The following MMP26 variants were observed in gnomAD, a reference collection of about 807,000 sequenced individuals.
MMP26 encodes the protein matrix metalloproteinase-26.
A neutral mutation model predicts 31.0 loss-of-function variants in MMP26; 33 were observed. The observed-to-expected ratio is 1.06, with a 90% CI of 0.81 to 1.42. The LOEUF (loss-of-function observed/expected upper bound fraction) is 1.42, where lower values mean the gene tolerates loss of function less well. Ranked by LOEUF, MMP26 falls within the 40% of genes most tolerant of loss-of-function variation. The pLI is 0.00. For missense variants in MMP26, 347 were observed against 316.1 expected (o/e 1.10, Z -0.74); for synonymous variants, 122 against 114.9 (o/e 1.06, Z -0.40).
intron 2 of MMP26, chr11:4,804,368 A>T (rs1849234486): frequency 6.2e-7 from 1 of 1,613,946 alleles, no homozygotes; most frequent in Non-Finnish European, 8.5e-7. Context: ...CTGTTCCCTG[A>T]AGCCAGCACC....
At chr11:4,841,108 A>G (rs1263471665) in intron 2 of MMP26, among the ~76,000 whole-genome samples, 1 of 152,236 alleles carries the variant, frequency 6.6e-6, no homozygotes, top group Non-Finnish European at 1.5e-5. Flanking sequence ...ATTTGAAAAT[A>G]CACAGCCAGA....
intron 2 of MMP26, among the ~76,000 whole-genome samples, chr11:4,790,244 G>A (rs1341402714): frequency 1.3e-5 from 2 of 151,782 alleles, no homozygotes; most frequent in Admixed American, 6.6e-5. Flanking sequence ...GGGAGGCTGA[G>A]GCAGGAGAAT....
At position 4,991,482 on chromosome 11, in the gene MMP26, C is replaced by G. The variant is rs1360658794; in HGVS notation, c.581C>G (p.Ser194Ter). 3.1e-6 allele frequency: 5 copies of G among 1,613,622 alleles called. No individual in the cohort carries two copies. The Admixed American group carries it at 6.7e-5, about 22-fold the overall frequency. The change falls in exon 6 of 8, where the codon TCA becomes TGA. Residue 194 changes from serine to a stop codon, truncating the protein, a stop_gained. Coordinates refer to ENST00000380390, the MANE Select transcript of MMP26 (RefSeq NM_021801.5). LOFTEE classifies it high-confidence loss of function. ...VVHFDKNEHW[S>*]ASDTGYNLFL... ...CATTTTGACAAGAATGAACACTGGT[C>G]AGCTTCAGACACTGGTAAATGCCTT...
In MMP26 at chr11:4,710,299, TCTCTCACATCAGTG is replaced by T. The variant is rs772818058; in HGVS notation, c.-217+5256_-217+5269del. On this transcript the variant is annotated intron_variant, in intron 1 of 7. Transcript: ENST00000380390. ...CAGAAAAAGGCTTTTGGTACCTGTG[TCTCTCACATCAGTG>T]CAGTTGCCATCTTCTACATCCCCAT... 47 of 456,832 alleles carry T rather than the reference TCTCTCACATCAGTG, an allele frequency of 1.0e-4. No individual in the cohort carries two copies. The Middle Eastern group carries it at 2.9e-3, about 28-fold the overall frequency. 28.3% of individuals were successfully genotyped at this position (456,832 alleles called of 1,614,324 possible).
intron 2 of MMP26, among the ~76,000 whole-genome samples, chr11:4,872,163 A>G (rs931707759): frequency 6.6e-6 from 1 of 152,168 alleles, no homozygotes; most frequent in Non-Finnish European, 1.5e-5. Flanking sequence ...AGCCTGGAAC[A>G]TGAACAAGCA....
chr11:4,735,311 T>C (rs1329359016), intron 1 of MMP26, among the ~76,000 whole-genome samples: 1 of 151,404 alleles, frequency 6.6e-6, no homozygotes, highest in Admixed American at 6.5e-5. Context: ...TCTATATCAC[T>C]ATATATATGT....
chr11:4,828,547 A>C (rs573543219), intron 2 of MMP26, among the ~76,000 whole-genome samples: 1 of 152,290 alleles, frequency 6.6e-6, no homozygotes, highest in African/African-American at 2.4e-5. Flanking sequence ...ATTTACTTGT[A>C]CTATCTATTT....
intron 2 of MMP26, among the ~76,000 whole-genome samples, chr11:4,886,472 C>A (rs1003649812): frequency 1.3e-5 from 2 of 152,004 alleles, no homozygotes; most frequent in Non-Finnish European, 1.5e-5. Context: ...ATGCCTAGTA[C>A]CTGGTCAGCA....
At chr11:4,869,194 A>T (rs1183833285) in intron 2 of MMP26, among the ~76,000 whole-genome samples, 1 of 152,220 alleles carries the variant, frequency 6.6e-6, no homozygotes, top group East Asian at 1.9e-4. Flanking sequence ...AAGCAATGGC[A>T]ACAAAAGCCA....
chr11:4,801,793 G>T (rs1272121323), intron 2 of MMP26, among the ~76,000 whole-genome samples: 1 of 151,898 alleles, frequency 6.6e-6, no homozygotes, highest in Non-Finnish European at 1.5e-5. Context: ...GCCTGCCTCG[G>T]CTCCCGAAGT....
At chr11:4,762,677 A>T (rs935005031) in intron 1 of MMP26, among the ~76,000 whole-genome samples, 2 of 152,184 alleles carry the variant, frequency 1.3e-5, no homozygotes, top group Non-Finnish European at 2.9e-5. Context: ...TGTTCAGTAG[A>T]ACTTATATAA....
intron 2 of MMP26, among the ~76,000 whole-genome samples, chr11:4,866,117 C>T (rs895289136): frequency 3.9e-5 from 6 of 151,996 alleles, no homozygotes; most frequent in African/African-American, 1.4e-4. Flanking sequence ...GATGTGTATA[C>T]TCATGGGCGA....
chr11:4,785,224 C>T (rs1326772706), intron 2 of MMP26, among the ~76,000 whole-genome samples: 1 of 152,144 alleles, frequency 6.6e-6, no homozygotes, highest in Non-Finnish European at 1.5e-5. Context: ...AAAGAGCAGA[C>T]AGTTGATCAC....
At chr11:4,875,435 G>C (rs1850366697) in intron 2 of MMP26, 1 of 151,988 alleles carries the variant, frequency 6.6e-6, no homozygotes, top group African/African-American at 2.4e-5. Flanking sequence ...AGTCCAAATT[G>C]GGTCTCACTG....
At chr11:4,830,675 A>G (rs990766210) in intron 2 of MMP26, among the ~76,000 whole-genome samples, 1 of 152,174 alleles carries the variant, frequency 6.6e-6, no homozygotes, top group African/African-American at 2.4e-5. Flanking sequence ...ACATAGCCAT[A>G]CCAATAACAG....
chr11:4,926,844 C>T (rs753265692), intron 2 of MMP26, among the ~76,000 whole-genome samples: 5 of 152,198 alleles, frequency 3.3e-5, no homozygotes, highest in Admixed American at 2.6e-4. Context: ...ACAAGCCTAG[C>T]ACAGATTTGG....
At position 4,920,101 on chromosome 11, in the gene MMP26, A is replaced by G. The variant is rs149112760; in HGVS notation, c.-144-67967A>G. Among the ~76,000 whole-genome samples, 66 of 152,272 alleles carry G rather than the reference A, an allele frequency of 4.3e-4. 2 individuals are homozygous for G. The highest frequency in any genetic ancestry group is 1.5e-3 in the African/African-American group (62 of 41,568). ...AGCTGATGAAGAAGGCATTTTAGAG[A>G]GAGAAATGAAGGGAGGGAATAGGCT... is the stretch of plus-strand genomic sequence containing the variant. On this transcript the variant is annotated intron_variant, in intron 2 of 7. Transcript: ENST00000380390.
At chr11:4,792,507 A>G (rs73401046) in intron 2 of MMP26, among the ~76,000 whole-genome samples, 2,376 of 152,276 alleles carry the variant, frequency 0.016, 53 homozygotes, top group African/African-American at 0.055. Flanking sequence ...TTTGTGGGTT[A>G]TGCAGATTTT....
chr11:4,721,024 T>C (rs146786361), intron 1 of MMP26, among the ~76,000 whole-genome samples: 44 of 152,310 alleles, frequency 2.9e-4, no homozygotes, highest in African/African-American at 1.0e-3. Context: ...CAAGCAAACA[T>C]GATAGACATA....
Sources: gnomAD v4.1 joint callset for allele counts (sites outside exome capture counted in the v4.1 genomes callset) on GRCh38, gnomAD v4.1.1 for gene constraint, MANE v1.5 for transcripts, NCBI Gene and HGNC (gene_info 2026-07-23, HGNC 2026-07-21) for gene names.